Variants in TBC1D4 observed in about 807,000 individuals in gnomAD.
TBC1D4 encodes TBC (Tre-2, BUB2, CDC16) domain-containing protein.
A neutral mutation model predicts 142.5 loss-of-function variants in TBC1D4; 121 were observed. That is an observed-to-expected ratio of 0.85 (90% CI 0.73 to 0.99). TBC1D4 has a LOEUF of 0.99. Among genes scored for constraint, TBC1D4 ranks in the 50% least tolerant of loss-of-function variants. The pLI is 0.00. For synonymous variants in TBC1D4, 630 were observed against 628.2 expected, an observed-to-expected ratio of 1.00 and a Z score of -0.04; for missense variants, 1,475 against 1,606.6, an observed-to-expected ratio of 0.92 and a Z score of 1.40.
intron 8 of TBC1D4, among the ~76,000 whole-genome samples, chr13:75,331,570 C>CAGAT (rs1257363843): frequency 6.6e-6 from 1 of 151,988 alleles, no homozygotes; most frequent in Non-Finnish European, 1.5e-5. Context: ...ATAAAAGCAA[C>CAGAT]AGATAGCCAT....
At chr13:75,327,432 A>C (rs1879357085) in intron 9 of TBC1D4, among the ~76,000 whole-genome samples, 1 of 152,092 alleles carries the variant, frequency 6.6e-6, no homozygotes, top group Non-Finnish European at 1.5e-5. Flanking sequence ...GGAACAAATA[A>C]AATCACTGTA....
In TBC1D4 at chr13:75,286,682, A is replaced by C; in HGVS notation, c.*110T>G. On this transcript the variant is annotated 3_prime_UTR_variant, in exon 21 of 21. Transcript: ENST00000377636. ...CTGTGACTAGGCGCTCAGCACCAGT[A>C]TTAGGTGGTTCCATCAGCTTCAGGG... 1 of 1,064,894 alleles carries C rather than the reference A, an allele frequency of 9.4e-7. No homozygotes were observed. The highest frequency in any genetic ancestry group is 1.4e-6 in the Non-Finnish European group (1 of 705,772). 66.0% of individuals were successfully genotyped at this position (1,064,894 alleles called of 1,614,324 possible).
At position 75,312,932 on chromosome 13, in the gene TBC1D4, G is replaced by A. The variant is rs1257932418; in HGVS notation, c.2223-34C>T. On this transcript the variant is annotated intron_variant, in intron 12 of 20. Coordinates refer to ENST00000377636, the MANE Select transcript of TBC1D4 (RefSeq NM_014832.5). ...AGCAAATAAACATATCACTTATAAGGAGAGCTGCACATCATGGCACTTCAC... is the reference window on the plus strand; with the variant it reads ...AGCAAATAAACATATCACTTATAAGAAGAGCTGCACATCATGGCACTTCAC... 4 of 1,612,260 alleles carry A rather than the reference G, an allele frequency of 2.5e-6. No homozygotes were observed. In the Admixed American group the frequency reaches 6.7e-5, roughly 27 times the overall value.
chr13:75,356,239 C>T lies in TBC1D4; in HGVS notation c.1183G>A (p.Val395Met), dbSNP rs772131934. Reference sequence around the variant, plus strand: ...CGGCAGATAAAGCCAAAGTGATCCACATGCTTTATACCCTAGATGGAGGGG... The same window carrying T: ...CGGCAGATAAAGCCAAAGTGATCCATATGCTTTATACCCTAGATGGAGGGG... ...ISSCSQGIKHVDHFGFICRES... is the reference protein window; with the variant it reads ...ISSCSQGIKHMDHFGFICRES... The change falls in exon 4 of 21, where the codon GTG becomes ATG. Residue 395 changes from valine (V) to methionine (M), a missense_variant. Physicochemically the swap from Val to Met is conservative, Grantham distance 21. Coordinates refer to ENST00000377636, the MANE Select transcript of TBC1D4 (RefSeq NM_014832.5). 1 of 1,612,048 alleles carries T rather than the reference C, an allele frequency of 6.2e-7. No individual in the cohort carries two copies. Among genetic ancestry groups the T allele is most frequent in the African/African-American group, 1.3e-5 (1 of 74,886 alleles).
rs577759829 is a variant in TBC1D4, at chr13:75,428,626, A to G, written c.498+52644T>C. Among the ~76,000 whole-genome samples, 3 of 152,350 alleles carry G rather than the reference A, an allele frequency of 2.0e-5. 1 individual carries two copies. The South Asian group carries it at 6.2e-4, about 32-fold the overall frequency. ...GACTGAACACAACAGAAATAAAAAT[A>G]TAACAACTGAGGAGCAATTTTCTTC... On this transcript the variant is annotated intron_variant, in intron 1 of 20. Transcript: ENST00000377636.
In TBC1D4 at chr13:75,349,251, G is replaced by A. The variant is rs778495732; in HGVS notation, c.1327C>T (p.Leu443=). 1 of 1,613,928 alleles carries A rather than the reference G, an allele frequency of 6.2e-7. No individual in the cohort carries two copies. Among genetic ancestry groups the A allele is most frequent in the Non-Finnish European group, 8.5e-7 (1 of 1,179,928 alleles). The stretch of plus-strand genomic sequence containing the variant: ...TTAATCTGCGTCTTGGCACTCTGCA[G>A]GGCAGCCGCCGTACTGAAGGCCTGT... ...LKQAFSTAAA[L]QSAKTQIKLC... The change falls in exon 5 of 21, where the codon CTG becomes TTG. Residue 443 remains leucine (L), a synonymous_variant. Transcript: ENST00000377636.
At chr13:75,297,229 C>A (rs1436684642) in intron 17 of TBC1D4, among the ~76,000 whole-genome samples, 4 of 152,102 alleles carry the variant, frequency 2.6e-5, no homozygotes, top group Non-Finnish European at 5.9e-5. Context: ...ATGTATAAAT[C>A]CGATTTACAT....
intron 9 of TBC1D4, 147 bp downstream of exon 9, chr13:75,327,605 T>G: frequency 2.6e-6 from 2 of 782,558 alleles, no homozygotes; most frequent in Non-Finnish European, 4.1e-6. Flanking sequence ...ATGCCTAGAA[T>G]CTTCTTAGTT....
At chr13:75,319,918 G>T in intron 12 of TBC1D4, 96 bp downstream of exon 12, 1 of 1,327,752 alleles carries the variant, frequency 7.5e-7, no homozygotes, top group Non-Finnish European at 1.1e-6. Flanking sequence ...CATGCATTCA[G>T]GAGACAAACA....
intron 13 of TBC1D4, among the ~76,000 whole-genome samples, chr13:75,311,628 G>T: frequency 6.6e-6 from 1 of 152,044 alleles, no homozygotes; most frequent in African/African-American, 2.4e-5. Context: ...GTTTCAATAG[G>T]TAAGGCTCTA....
chr13:75,424,117 C>CA, intron 1 of TBC1D4, among the ~76,000 whole-genome samples: 1 of 151,798 alleles, frequency 6.6e-6, no homozygotes, highest in South Asian at 2.1e-4. Flanking sequence ...TTTAAAAATT[C>CA]AAAAAACTAG....
chr13:75,310,169 G>T lies in TBC1D4; in HGVS notation c.2384-18C>A. On this transcript the variant is annotated intron_variant, in intron 13 of 20. Transcript: ENST00000377636. ...CAATCCATCTGCAGAGAAGAACACA[G>T]TGAGAGGCATTCCTTAGCAGTAACC... 1 of 1,610,084 alleles carries T rather than the reference G, an allele frequency of 6.2e-7. No individual in the cohort carries two copies. The highest frequency in any genetic ancestry group is 8.5e-7 in the Non-Finnish European group (1 of 1,177,630).
intron 7 of TBC1D4, among the ~76,000 whole-genome samples, chr13:75,339,249 C>T (rs537655): frequency 0.41 from 62,549 of 151,872 alleles, 13,587 homozygotes; most frequent in East Asian, 0.66. Context: ...TCACTTATCA[C>T]ATATTCTATT....
chr13:75,419,792 T>C (rs1393619866), intron 1 of TBC1D4, among the ~76,000 whole-genome samples: 1 of 152,174 alleles, frequency 6.6e-6, no homozygotes, highest in African/African-American at 2.4e-5. Context: ...CCACACTACA[T>C]GCTATGAGAA....
intron 1 of TBC1D4, among the ~76,000 whole-genome samples, chr13:75,475,864 T>G (rs913770898): frequency 2.6e-5 from 4 of 152,230 alleles, no homozygotes; most frequent in African/African-American, 4.8e-5. Flanking sequence ...TTTCAGATTT[T>G]GAATTTTTTT....
chr13:75,371,315 A>G (rs1388094781), intron 1 of TBC1D4, among the ~76,000 whole-genome samples: 4 of 152,194 alleles, frequency 2.6e-5, no homozygotes, highest in Admixed American at 6.5e-5. Flanking sequence ...GGGGAAATCA[A>G]TGATTTCAAG....
intron 4 of TBC1D4, among the ~76,000 whole-genome samples, chr13:75,349,868 T>C (rs1390755553): frequency 6.6e-6 from 1 of 152,196 alleles, no homozygotes; most frequent in African/African-American, 2.4e-5. Context: ...TTATTAATAT[T>C]ATCATTCCAC....
intron 1 of TBC1D4, among the ~76,000 whole-genome samples, chr13:75,408,422 C>T (rs959615174): frequency 2.6e-5 from 4 of 152,034 alleles, no homozygotes; most frequent in East Asian, 1.9e-4. Context: ...AATTCACATA[C>T]GAGGGTTATT....
rs757187477 is a variant in TBC1D4 at position 75,362,395 on chromosome 13, C to T, written c.711G>A (p.Leu237=). 2.2e-5 allele frequency: 36 copies of T among 1,614,110 alleles called. No individual in the cohort carries two copies. Among genetic ancestry groups the T allele is most frequent in the Admixed American group, 1.2e-4 (7 of 60,014 alleles). ...GACCGCGCTGCTCCCCTTGGATCTT[C>T]AGGCGCTGCTGTTCGTGCAGGCTGA... ...EKFSLHEQQR[L]KIQGEQRGPD... is the part of the protein sequence containing the mutation. The change falls in exon 2 of 21, where the codon CTG becomes CTA. Residue 237 remains leucine, a synonymous_variant. Transcript: ENST00000377636. This position sits in a 1 kb window ranked among gnomAD's most constrained non-coding sequence, Gnocchi z 4.2.
Sources: allele counts gnomAD v4.1 joint callset (sites outside exome capture counted in the v4.1 genomes callset), GRCh38; gene constraint gnomAD v4.1.1; non-coding constraint Gnocchi (gnomAD v3.1); transcripts MANE v1.5; gene names NCBI Gene and HGNC (gene_info 2026-07-23, HGNC 2026-07-21).